The following KCNQ5 variants were observed in gnomAD, a reference collection of about 807,000 sequenced individuals.
KCNQ5 encodes potassium voltage-gated channel subfamily Q member 5, also known as potassium voltage-gated channel subfamily KQT member 5.
A neutral mutation model predicts 98.2 loss-of-function variants in KCNQ5; 30 were observed. The observed-to-expected ratio is 0.31, with a 90% CI of 0.23 to 0.41. KCNQ5 has a LOEUF of 0.41. Among genes scored for constraint, KCNQ5 ranks in the 10% least tolerant of loss-of-function variants. The pLI is 1.00. For missense variants in KCNQ5, 835 were observed against 1,182.5 expected (o/e 0.71, Z 4.31); for synonymous variants, 458 against 449.4 (o/e 1.02, Z -0.24).
intron 1 of KCNQ5, among the ~76,000 whole-genome samples, chr6:72,961,482 C>T (rs575204648): frequency 6.6e-6 from 1 of 151,930 alleles, no homozygotes; most frequent in African/African-American, 2.4e-5. Context: ...ATTAGCCGGG[C>T]GTGGTGGCGG....
Position 73,169,634 on chromosome 6 carries a change from G to A in KCNQ5, c.1469-112G>A, listed in dbSNP as rs962996152. 3.3e-5 allele frequency: 24 copies of A among 734,650 alleles called. No homozygotes were observed. The Middle Eastern group carries it at 9.5e-4, about 29-fold the overall frequency. The allele number at this position is 734,650 out of a possible 1,614,324, so 45.5% of individuals were successfully genotyped here. On this transcript the variant is annotated intron_variant, in intron 10 of 13. Coordinates refer to ENST00000370398, the MANE Select transcript of KCNQ5 (RefSeq NM_019842.4). ...AATTGGCTGACCTTATACATATCTT[G>A]GTTTATCAGCTTACTCTGTGAGTAT...
chr6:72,883,709 G>A (rs952553285), intron 1 of KCNQ5, among the ~76,000 whole-genome samples: 19 of 152,212 alleles, frequency 1.2e-4, no homozygotes, highest in South Asian at 4.2e-4. Flanking sequence ...GCTACCTGCC[G>A]GAAAATCTTA....
chr6:72,742,237 G>A (rs1236751825), intron 1 of KCNQ5, among the ~76,000 whole-genome samples: 1 of 152,140 alleles, frequency 6.6e-6, no homozygotes, highest in African/African-American at 2.4e-5. Flanking sequence ...TTGTAAATAG[G>A]TCATTTGAAT....
chr6:73,190,347 T>C (rs1170542313), intron 11 of KCNQ5, among the ~76,000 whole-genome samples: 5 of 152,192 alleles, frequency 3.3e-5, no homozygotes, highest in African/African-American at 1.2e-4. Flanking sequence ...GTGTTCAGCC[T>C]CTTTTTTAGT....
chr6:72,796,026 G>A (rs2154478415), intron 1 of KCNQ5, among the ~76,000 whole-genome samples: 1 of 152,094 alleles, frequency 6.6e-6, no homozygotes, highest in South Asian at 2.1e-4. Context: ...GAAATCCAAA[G>A]TGAACCCCAA....
At chr6:72,860,055 A>C (rs1442496780) in intron 1 of KCNQ5, among the ~76,000 whole-genome samples, 6 of 152,102 alleles carry the variant, frequency 3.9e-5, no homozygotes, top group Non-Finnish European at 8.8e-5. Flanking sequence ...GCAGGACCCC[A>C]AAGGGAAGAC....
rs747881330 is a variant in KCNQ5 at position 73,124,559 on chromosome 6, C to T, written c.1247+47C>T. ...ACATGTTTGTTTATAAATCTGATAC[C>T]TACCAGGTGTTTTAAATGTGTCTCA... On this transcript the variant is annotated intron_variant, in intron 9 of 13. Transcript: ENST00000370398. 4.5e-6 allele frequency: 7 copies of T among 1,558,392 alleles called. No homozygotes were observed. The South Asian group carries it at 7.8e-5, about 17-fold the overall frequency.
intron 10 of KCNQ5, among the ~76,000 whole-genome samples, chr6:73,145,611 A>C (rs1776890159): frequency 1.3e-5 from 2 of 152,186 alleles, no homozygotes; most frequent in African/African-American, 4.8e-5. Flanking sequence ...TTTTTTAAAC[A>C]ATGCTTATGT....
At chr6:72,906,303 C>T (rs1779698885) in intron 1 of KCNQ5, among the ~76,000 whole-genome samples, 1 of 152,184 alleles carries the variant, frequency 6.6e-6, no homozygotes, top group Admixed American at 6.5e-5. Flanking sequence ...GGGCTGAGAA[C>T]TTGCCCCAGG....
chr6:72,746,864 T>C (rs535488969), intron 1 of KCNQ5, among the ~76,000 whole-genome samples: 1 of 152,278 alleles, frequency 6.6e-6, no homozygotes, highest in Admixed American at 6.5e-5. Context: ...CCATACATTA[T>C]AGATACTAAT....
chr6:72,803,538 A>C (rs1774775029), intron 1 of KCNQ5, among the ~76,000 whole-genome samples: 1 of 152,146 alleles, frequency 6.6e-6, no homozygotes, highest in African/African-American at 2.4e-5. Flanking sequence ...CCCTACAGGC[A>C]CTGGATCTGT....
intron 1 of KCNQ5, among the ~76,000 whole-genome samples, chr6:72,869,370 G>A (rs1270732777): frequency 6.6e-6 from 1 of 152,176 alleles, no homozygotes; most frequent in East Asian, 1.9e-4. Context: ...CTTGAGAGCA[G>A]GAAACCAGGC....
chr6:72,777,409 T>G, intron 1 of KCNQ5, among the ~76,000 whole-genome samples: 1 of 151,890 alleles, frequency 6.6e-6, no homozygotes, highest in Non-Finnish European at 1.5e-5. Flanking sequence ...TGGATGGGGG[T>G]GGGGTAAGTG....
At chr6:73,135,015 G>A (rs563072007) in intron 10 of KCNQ5, 2 of 152,194 alleles carry the variant, frequency 1.3e-5, no homozygotes, top group African/African-American at 4.8e-5. Context: ...GAATATAAAT[G>A]GGTACATCCT....
At chr6:72,859,498 A>T (rs1432644360) in intron 1 of KCNQ5, among the ~76,000 whole-genome samples, 1 of 151,874 alleles carries the variant, frequency 6.6e-6, no homozygotes, top group East Asian at 1.9e-4. Context: ...CTTCTCCTAA[A>T]ATGCCATTTC....
At chr6:72,691,264 C>G (rs904004682) in intron 1 of KCNQ5, among the ~76,000 whole-genome samples, 3 of 152,116 alleles carry the variant, frequency 2.0e-5, no homozygotes, top group African/African-American at 7.2e-5. Flanking sequence ...TTCTATTTTT[C>G]ATAAGTATCA....
intron 2 of KCNQ5, among the ~76,000 whole-genome samples, chr6:73,035,900 T>A (rs1404802737): frequency 6.6e-6 from 1 of 152,048 alleles, no homozygotes; most frequent in Non-Finnish European, 1.5e-5. Context: ...TTTGTAAAAC[T>A]ATAGTATAAT....
chr6:72,882,213 G>A (rs144362562), intron 1 of KCNQ5, among the ~76,000 whole-genome samples: 191 of 152,316 alleles, frequency 1.3e-3, no homozygotes, highest in African/African-American at 4.4e-3. Flanking sequence ...TGTAAAATAT[G>A]TGATGCCACT....
intron 1 of KCNQ5, among the ~76,000 whole-genome samples, chr6:72,801,854 T>G (rs1031477262): frequency 1.3e-5 from 2 of 150,774 alleles, no homozygotes; most frequent in Non-Finnish European, 3.0e-5. Flanking sequence ...TTTGCTTGTC[T>G]GTAAAGTATT....
Sources: allele counts gnomAD v4.1 joint callset (sites outside exome capture counted in the v4.1 genomes callset), GRCh38; gene constraint gnomAD v4.1.1; transcripts MANE v1.5; gene names NCBI Gene and HGNC (gene_info 2026-07-23, HGNC 2026-07-21).